KDM1A: variants seen among roughly 807,000 people sequenced by gnomAD.
KDM1A encodes the protein lysine-specific histone demethylase 1A.
In KDM1A, 49 loss-of-function variants were observed where a neutral mutation model predicts 109.4. The ratio of observed to expected loss-of-function variants is 0.45; its 90% confidence interval spans 0.36 to 0.57. The LOEUF is 0.57. Among genes scored for constraint, KDM1A ranks in the 20% least tolerant of loss-of-function variants. The probability of loss-of-function intolerance (pLI) is 0.00; values close to 1 mark genes in which losing one functional copy is unlikely to be tolerated. For missense variants in KDM1A, 668 were observed against 1,116.6 expected (o/e 0.60, Z 5.73); for synonymous variants, 380 against 415.4 (o/e 0.91, Z 1.04).
Position 23,019,882 on chromosome 1 carries a change from C to A in KDM1A, c.286C>A (p.Pro96Thr), listed in dbSNP as rs750270450. ...TACTGTCGTGCCTGGGTCTGCGACC[C>A]CCATGGAAACTGGAATAGCAGAGAC... ...GPTVVPGSAT[P>T]METGIAETPE... The change falls in exon 1 of 21, where the codon CCC (proline) becomes ACC (threonine). Residue 96 changes from proline (P) to threonine (T), a missense_variant. Pro to Thr is a conservative substitution (Grantham distance 38). Transcript: ENST00000400181. The A allele has an allele frequency of 1.9e-6, 3 of 1,563,118 alleles. No individual in the cohort carries two copies. Among genetic ancestry groups the A allele is most frequent in the Non-Finnish European group, 2.6e-6 (3 of 1,157,770 alleles).
intron 2 of KDM1A, among the ~76,000 whole-genome samples, chr1:23,041,007 A>G (rs1209974479): frequency 6.6e-6 from 1 of 152,208 alleles, no homozygotes; most frequent in Non-Finnish European, 1.5e-5. Flanking sequence ...ATGTGTCCTG[A>G]GCCACTATCA....
rs193284175 is a variant in KDM1A, at chr1:23,069,526, C to T, written c.1413+375C>T. ...CTTAAAAAAAATGGAAAAGAAAATT[C>T]AGTGTTTTGAGAAAATTTATGAATT... On this transcript the variant is annotated intron_variant, in intron 12 of 20. Transcript: ENST00000400181. Among the ~76,000 whole-genome samples the T allele has an allele frequency of 7.2e-5, 11 of 152,252 alleles. No homozygotes were observed. In the East Asian group the frequency reaches 2.1e-3, roughly 29 times the overall value.
chr1:23,037,088 C>A (rs1158249151), intron 2 of KDM1A, among the ~76,000 whole-genome samples: 1 of 151,338 alleles, frequency 6.6e-6, no homozygotes, highest in Non-Finnish European at 1.5e-5. Context: ...ACCAGCCCAG[C>A]CAACATGGTG....
At chr1:23,078,589 T>C (rs1466493814) in intron 16 of KDM1A, among the ~76,000 whole-genome samples, 1 of 152,190 alleles carries the variant, frequency 6.6e-6, no homozygotes, top group Non-Finnish European at 1.5e-5. Context: ...CATTCTTCTG[T>C]TGGTCGATAG....
At chr1:23,035,982 C>T (rs890363393) in intron 2 of KDM1A, among the ~76,000 whole-genome samples, 2 of 152,170 alleles carry the variant, frequency 1.3e-5, no homozygotes, top group African/African-American at 4.8e-5. Context: ...CTGATCTCTT[C>T]CCTGTGAGGC....
intron 15 of KDM1A, among the ~76,000 whole-genome samples, chr1:23,075,652 A>G (rs1643442654): frequency 6.6e-6 from 1 of 151,590 alleles, no homozygotes. Flanking sequence ...TTCCTAATAA[A>G]AATTATTTTG....
intron 1 of KDM1A, among the ~76,000 whole-genome samples, chr1:23,025,321 G>A (rs1641759743): frequency 7.4e-6 from 1 of 134,544 alleles, no homozygotes; most frequent in African/African-American, 2.8e-5. Context: ...CTTCAGAGAA[G>A]ATGAAAGATT....
intron 16 of KDM1A, among the ~76,000 whole-genome samples, chr1:23,077,686 A>G (rs906002934): frequency 2.0e-5 from 3 of 152,200 alleles, no homozygotes; most frequent in Admixed American, 1.3e-4. Flanking sequence ...TCAGTGCTCA[A>G]AAAGTTTTCC....
At chr1:23,064,676 T>C (rs544442) in intron 9 of KDM1A, among the ~76,000 whole-genome samples, 8,420 of 152,268 alleles carry the variant, frequency 0.055, 789 homozygotes, top group African/African-American at 0.19. Context: ...CTTGCAGGAT[T>C]GGGGACCTTG....
rs976397912 is a variant in KDM1A, at chr1:23,061,173, C to T, written c.1167+2006C>T. ...CTCAGGTGGGGCCTGCACTGGCTGC[C>T]AGTCTGTGAACTGTCAATTACCAGT... On this transcript the variant is annotated intron_variant, in intron 9 of 20. Coordinates refer to ENST00000400181, the MANE Select transcript of KDM1A (RefSeq NM_001009999.3). Among the ~76,000 whole-genome samples, 3 of 152,162 alleles carry T rather than the reference C, an allele frequency of 2.0e-5. No homozygotes were observed. The East Asian group carries it at 5.8e-4, about 29-fold the overall frequency.
intron 19 of KDM1A, 200 bp downstream of exon 19, chr1:23,081,773 G>A: frequency 1.8e-6 from 1 of 569,818 alleles, no homozygotes; most frequent in Non-Finnish European, 3.0e-6. Flanking sequence ...GGAGTCTGAA[G>A]GCTGCTAGCT....
chr1:23,061,348 A>C (rs1642995609), intron 9 of KDM1A, among the ~76,000 whole-genome samples: 1 of 152,186 alleles, frequency 6.6e-6, no homozygotes, highest in Non-Finnish European at 1.5e-5. Context: ...GTAGCACTAT[A>C]AACAGTTGTT....
intron 14 of KDM1A, 44 bp downstream of exon 14, chr1:23,072,241 G>C (rs534714065): frequency 2.9e-6 from 4 of 1,368,664 alleles, no homozygotes; most frequent in East Asian, 4.7e-5. Flanking sequence ...AGCTTTTACT[G>C]TTCTTTCAGC....
At chr1:23,050,225 T>C (rs1642626569) in intron 3 of KDM1A, among the ~76,000 whole-genome samples, 162 bp from the exon 4 acceptor site, 1 of 152,210 alleles carries the variant, frequency 6.6e-6, no homozygotes, top group Non-Finnish European at 1.5e-5. Context: ...AATGTTAAGC[T>C]CAAATAAGTG....
intron 3 of KDM1A, among the ~76,000 whole-genome samples, chr1:23,045,888 T>A (rs1012762419): frequency 1.3e-5 from 2 of 152,158 alleles, no homozygotes; most frequent in African/African-American, 2.4e-5. Flanking sequence ...ATTTGTGAAA[T>A]GATCAATCAG....
chr1:23,068,730 A>G (rs1643224534), intron 11 of KDM1A, 49 bp downstream of exon 11: 1 of 1,386,068 alleles, frequency 7.2e-7, no homozygotes, highest in African/African-American at 1.5e-5. Flanking sequence ...ATGTGTAAAG[A>G]TTTGCTATTT....
chr1:23,027,043 C>T (rs1453746232), intron 1 of KDM1A, among the ~76,000 whole-genome samples: 1 of 151,264 alleles, frequency 6.6e-6, no homozygotes, highest in African/African-American at 2.4e-5. Flanking sequence ...CTTCTTGGCT[C>T]TGGGCAATTT....
intron 14 of KDM1A, 125 bp from the exon 15 acceptor site, chr1:23,073,167 G>A (rs1189945304): frequency 3.5e-5 from 20 of 574,832 alleles, no homozygotes; most frequent in Non-Finnish European, 6.2e-5. Flanking sequence ...TTTTTGATTT[G>A]TAATTTCTTC....
At chr1:23,052,922 C>G (rs1180808318) in intron 4 of KDM1A, among the ~76,000 whole-genome samples, 1 of 152,318 alleles carries the variant, frequency 6.6e-6, no homozygotes, top group East Asian at 1.9e-4. Flanking sequence ...CAGACCTTCT[C>G]TCTCTTCTGA....
Sources: allele counts gnomAD v4.1 joint callset (sites outside exome capture counted in the v4.1 genomes callset), GRCh38; gene constraint gnomAD v4.1.1; transcripts MANE v1.5; gene names NCBI Gene and HGNC (gene_info 2026-07-23, HGNC 2026-07-21).